CNTNAP4: variants seen among roughly 807,000 people sequenced by gnomAD.
The protein encoded by CNTNAP4 is contactin-associated protein-like 4.
CNTNAP4 carries 98 observed loss-of-function variants against 148.4 expected under a neutral mutation model. The observed-to-expected ratio is 0.66, with a 90% confidence interval of 0.56 to 0.78. The LOEUF is 0.78. Ranked by LOEUF, CNTNAP4 falls within the 30% of genes least tolerant of loss-of-function variation. CNTNAP4 has a pLI of 0.00. For missense variants in CNTNAP4, 1,935 were observed against 1,565.6 expected (o/e 1.24, Z -3.98); for synonymous variants, 730 against 565.1 (o/e 1.29, Z -4.14).
At chr16:76,508,271 TA>T (rs2082897153) in intron 15 of CNTNAP4, among the ~76,000 whole-genome samples, 1 of 97,110 alleles carries the variant, frequency 1.0e-5, no homozygotes, top group African/African-American at 2.6e-5. Context: ...AGTAAATATA[TA>T]CTTTTACTAA....
intron 2 of CNTNAP4, among the ~76,000 whole-genome samples, chr16:76,332,419 C>A (rs577691203): frequency 3.3e-5 from 5 of 152,056 alleles, no homozygotes; most frequent in Non-Finnish European, 7.4e-5. Flanking sequence ...CGCACCACCA[C>A]GCCAGACTAA....
At chr16:76,360,282 T>C (rs966974712) in intron 3 of CNTNAP4, among the ~76,000 whole-genome samples, 11 of 152,294 alleles carry the variant, frequency 7.2e-5, no homozygotes, top group African/African-American at 1.2e-4. Context: ...CAGGCCATTA[T>C]TATCACCGTG....
rs370501265 is a variant in CNTNAP4 at position 76,522,250 on chromosome 16, C to T, written c.2748C>T (p.Leu916=). 3.2e-5 allele frequency: 51 copies of T among 1,613,492 alleles called. No homozygotes were observed. The highest frequency in any genetic ancestry group is 4.2e-5 in the Non-Finnish European group (49 of 1,179,746). The change falls in exon 17 of 24, where the codon CTC becomes CTT. Residue 916 remains leucine (L), a synonymous_variant. Coordinates refer to ENST00000611870, the MANE Select transcript of CNTNAP4 (RefSeq NM_033401.5). The stretch of plus-strand genomic sequence containing the variant: ...TCCTGTTACAGCTCAACAGTCAGCT[C>T]TTCGTGGGTAAGTTCTCTTTTTAAG... The part of the protein sequence containing the change: ...GHVLLQLNSQ[L]FVGGTATRQR...
At chr16:76,500,235 C>T (rs575750070) in intron 15 of CNTNAP4, among the ~76,000 whole-genome samples, 3 of 152,100 alleles carry the variant, frequency 2.0e-5, no homozygotes, top group African/African-American at 7.2e-5. Flanking sequence ...CAGGGGCTGC[C>T]CCCACCTTCC....
intron 17 of CNTNAP4, among the ~76,000 whole-genome samples, chr16:76,523,179 G>A (rs2083561444): frequency 6.6e-6 from 1 of 151,878 alleles, no homozygotes; most frequent in African/African-American, 2.4e-5. Context: ...GAATTGTTGA[G>A]GAAGCCTTCT....
intron 7 of CNTNAP4, among the ~76,000 whole-genome samples, chr16:76,450,066 G>A (rs898809820): frequency 1.1e-4 from 16 of 152,072 alleles, no homozygotes; most frequent in African/African-American, 3.6e-4. Flanking sequence ...ATTTTTATAT[G>A]AAGTAAAGCA....
chr16:76,282,706 A>C (rs182500395), intron 1 of CNTNAP4, among the ~76,000 whole-genome samples: 231 of 151,992 alleles, frequency 1.5e-3, no homozygotes, highest in Non-Finnish European at 2.5e-3. Flanking sequence ...GTCAATAATA[A>C]ATTTCTGGGT....
intron 22 of CNTNAP4, 98 bp downstream of exon 22, chr16:76,553,599 G>A: frequency 1.1e-6 from 1 of 878,548 alleles, no homozygotes; most frequent in Middle Eastern, 3.4e-4. Flanking sequence ...TCTCAAGATG[G>A]CTTCTTAAAG....
chr16:76,512,541 G>C (rs1270504065), intron 15 of CNTNAP4, among the ~76,000 whole-genome samples: 1 of 152,150 alleles, frequency 6.6e-6, no homozygotes, highest in African/African-American at 2.4e-5. Flanking sequence ...ATTGAAATGG[G>C]GGAGATTGCT....
chr16:76,338,642 C>G (rs1333184847), intron 2 of CNTNAP4, among the ~76,000 whole-genome samples: 1 of 152,164 alleles, frequency 6.6e-6, no homozygotes, highest in East Asian at 1.9e-4. Context: ...TGCTGATGTG[C>G]TGTCTTACTC....
At chr16:76,534,005 C>T (rs932738031) in intron 17 of CNTNAP4, among the ~76,000 whole-genome samples, 1 of 152,128 alleles carries the variant, frequency 6.6e-6, no homozygotes, top group Non-Finnish European at 1.5e-5. Context: ...CCAGAATTCT[C>T]AGGAATTCTT....
intron 1 of CNTNAP4, among the ~76,000 whole-genome samples, chr16:76,308,560 G>A (rs888198757): frequency 2.0e-5 from 3 of 152,200 alleles, no homozygotes; most frequent in African/African-American, 7.2e-5. Context: ...TTCGGGCTGT[G>A]TTCCTTCACA....
intron 1 of CNTNAP4, among the ~76,000 whole-genome samples, chr16:76,287,452 G>T (rs1488568511): frequency 6.6e-6 from 1 of 152,170 alleles, no homozygotes; most frequent in Non-Finnish European, 1.5e-5. Flanking sequence ...GTGCTTGCCT[G>T]TGGGATAGTT....
chr16:76,530,357 A>G (rs1264327567), intron 17 of CNTNAP4, among the ~76,000 whole-genome samples: 1 of 152,136 alleles, frequency 6.6e-6, no homozygotes, highest in Middle Eastern at 3.2e-3. Flanking sequence ...CACTTCTCCC[A>G]TCCTTGAGGC....
intron 12 of CNTNAP4, among the ~76,000 whole-genome samples, chr16:76,483,759 T>A (rs1395424127): frequency 1.3e-5 from 2 of 152,182 alleles, no homozygotes; most frequent in East Asian, 3.9e-4. Flanking sequence ...TGTTTCCTTG[T>A]TCAGCTCTAA....
chr16:76,350,823 T>G (rs1401711740), intron 2 of CNTNAP4, among the ~76,000 whole-genome samples: 4 of 152,164 alleles, frequency 2.6e-5, no homozygotes, highest in Non-Finnish European at 5.9e-5. Context: ...AAATGTGAGT[T>G]TTCAGGCTGT....
chr16:76,521,631 C>T (rs1339770435), intron 16 of CNTNAP4, among the ~76,000 whole-genome samples: 1 of 152,096 alleles, frequency 6.6e-6, no homozygotes, highest in Non-Finnish European at 1.5e-5. Context: ...TACTTCTAAG[C>T]TGCTCTTATC....
At chr16:76,542,493 CA>C (rs1241882987) in intron 21 of CNTNAP4, among the ~76,000 whole-genome samples, 1 of 152,148 alleles carries the variant, frequency 6.6e-6, no homozygotes, top group Non-Finnish European at 1.5e-5. Context: ...CTGTGGGACC[CA>C]TCTACTTCCC....
intron 3 of CNTNAP4, among the ~76,000 whole-genome samples, chr16:76,394,374 T>TA (rs1387240221): frequency 2.6e-5 from 4 of 152,106 alleles, no homozygotes; most frequent in Non-Finnish European, 4.4e-5. Flanking sequence ...GTGAAAAGTC[T>TA]AAAAAAAGCA....
Sources: gnomAD v4.1 joint callset for allele counts (sites outside exome capture counted in the v4.1 genomes callset) on GRCh38, gnomAD v4.1.1 for gene constraint, MANE v1.5 for transcripts, NCBI Gene and HGNC (gene_info 2026-07-23, HGNC 2026-07-21) for gene names.